Variants in CDH13 observed in about 807,000 individuals in gnomAD.
The protein encoded by CDH13 is cadherin-13.
In CDH13, 24 loss-of-function variants were observed where a neutral mutation model predicts 63.8. The ratio of observed to expected loss-of-function variants is 0.38; its 90% confidence interval spans 0.27 to 0.53. The LOEUF (loss-of-function observed/expected upper bound fraction) is 0.53. CDH13 is among the 20% of genes least tolerant of loss of function. CDH13 has a pLI of 0.85. For missense variants in CDH13, 1,049 were observed against 903.1 expected (o/e 1.16, Z -2.07); for synonymous variants, 503 against 355.3 (o/e 1.42, Z -4.67).
chr16:83,463,177 G>C (rs540988379), intron 6 of CDH13, among the ~76,000 whole-genome samples: 7 of 152,326 alleles, frequency 4.6e-5, no homozygotes, highest in African/African-American at 1.7e-4. Flanking sequence ...GGGCATTGAA[G>C]ATTCTATTGC....
At position 83,357,543 on chromosome 16, in the gene CDH13, A is replaced by G. The variant is rs546797158; in HGVS notation, c.781+12537A>G. 1.4e-4 allele frequency among the ~76,000 whole-genome samples: 22 copies of G among 152,264 alleles called. No homozygotes were observed. In the South Asian group the frequency reaches 4.6e-3, roughly 32 times the overall value. ...GCAGAGTCGTGTTTGCTGATTTCAG[A>G]CACCATGGAGCAGTGGTCCAAGTTT... On this transcript the variant is annotated intron_variant, in intron 6 of 13. Coordinates refer to ENST00000567109, the MANE Select transcript of CDH13 (RefSeq NM_001257.5).
chr16:83,308,057 A>C (rs186405837), intron 5 of CDH13, among the ~76,000 whole-genome samples: 1 of 152,184 alleles, frequency 6.6e-6, no homozygotes, highest in African/African-American at 2.4e-5. Context: ...CCAAATAACT[A>C]ATTGTAAAAG....
intron 2 of CDH13, among the ~76,000 whole-genome samples, chr16:82,986,368 A>G (rs971057910): frequency 6.6e-6 from 1 of 152,248 alleles, no homozygotes; most frequent in African/African-American, 2.4e-5. Context: ...TGCTCATCAA[A>G]TACCTACCAT....
At chr16:82,748,638 A>C (rs1243353396) in intron 1 of CDH13, among the ~76,000 whole-genome samples, 2 of 152,150 alleles carry the variant, frequency 1.3e-5, no homozygotes, top group Non-Finnish European at 2.9e-5. Flanking sequence ...AAACTCTGTT[A>C]ATAATTGTAC....
chr16:83,370,210 AC>A (rs2091338866), intron 6 of CDH13, among the ~76,000 whole-genome samples: 1 of 151,914 alleles, frequency 6.6e-6, no homozygotes, highest in Non-Finnish European at 1.5e-5. Context: ...ACATGGTGAA[AC>A]CCCATCTCTA....
At chr16:82,727,065 C>T (rs921592408) in intron 1 of CDH13, among the ~76,000 whole-genome samples, 3 of 152,142 alleles carry the variant, frequency 2.0e-5, no homozygotes, top group African/African-American at 7.2e-5. Context: ...CTATTAGAAA[C>T]TGTCATTTGG....
At position 82,627,127 on chromosome 16, in the gene CDH13, T is replaced by C; in HGVS notation, c.35T>C (p.Leu12Pro). The part of the protein sequence containing the change: ...QPRTPLVLCV[L>P]LSQVLLLTSA... ...AGAACTCCGCTCGTTCTGTGCGTTC[T>C]CCTGTCCCAGGTAGGGAAGAGGGGC... Residue 12 changes from leucine to proline, a missense_variant, in exon 1 of 14, where the codon CTC becomes CCC. Leu to Pro is a moderately conservative substitution (Grantham distance 98). Coordinates refer to ENST00000567109, the MANE Select transcript of CDH13 (RefSeq NM_001257.5). The C allele has an allele frequency of 6.2e-7, 1 of 1,607,292 alleles. No individual in the cohort carries two copies. Among genetic ancestry groups the C allele is most frequent in the Non-Finnish European group, 8.5e-7 (1 of 1,177,240 alleles).
At chr16:82,643,821 C>A (rs1044017070) in intron 1 of CDH13, among the ~76,000 whole-genome samples, 1 of 151,996 alleles carries the variant, frequency 6.6e-6, no homozygotes, top group Non-Finnish European at 1.5e-5. Flanking sequence ...TAGCTAACTG[C>A]AGCCTTGACC....
At chr16:83,651,136 C>G (rs1452001320) in intron 8 of CDH13, among the ~76,000 whole-genome samples, 1 of 151,974 alleles carries the variant, frequency 6.6e-6, no homozygotes, top group African/African-American at 2.4e-5. Context: ...GATCAGAACA[C>G]TTCTGGTTAT....
intron 4 of CDH13, among the ~76,000 whole-genome samples, chr16:83,172,974 C>T (rs2037986795): frequency 6.6e-6 from 1 of 152,114 alleles, no homozygotes; most frequent in African/African-American, 2.4e-5. Flanking sequence ...CCACCTTAGT[C>T]TACCGTTAAC....
At chr16:82,804,342 A>T (rs1224328759) in intron 1 of CDH13, among the ~76,000 whole-genome samples, 2 of 151,328 alleles carry the variant, frequency 1.3e-5, no homozygotes, top group African/African-American at 4.9e-5. Flanking sequence ...AAGAAATACA[A>T]TGAAGCTTTT....
At chr16:83,145,965 G>A (rs6565138) in intron 4 of CDH13, among the ~76,000 whole-genome samples, 43,128 of 151,920 alleles carry the variant, frequency 0.28, 6,898 homozygotes, top group African/African-American at 0.44. Context: ...AGGCCGAGGC[G>A]GGTGGATTAC....
intron 4 of CDH13, among the ~76,000 whole-genome samples, chr16:83,191,873 T>G (rs2038726349): frequency 6.6e-6 from 1 of 152,074 alleles, no homozygotes; most frequent in Non-Finnish European, 1.5e-5. Flanking sequence ...GACACAAATG[T>G]TCATCTCCTT....
rs145216027 is a variant in CDH13 at position 83,321,803 on chromosome 16, C to T, written c.637-23059C>T. Among the ~76,000 whole-genome samples, 9 of 152,332 alleles carry T rather than the reference C, an allele frequency of 5.9e-5. No individual in the cohort carries two copies. In the East Asian group the frequency reaches 1.7e-3, roughly 29 times the overall value. ...TCAGCCTCCCAAAGTGCTGGGATTA[C>T]AGGCGTGAGCTCTGCGCCGGGCCAG... On this transcript the variant is annotated intron_variant, in intron 5 of 13. Transcript: ENST00000567109.
chr16:83,059,922 T>C (rs899105364), intron 3 of CDH13, among the ~76,000 whole-genome samples: 2 of 151,128 alleles, frequency 1.3e-5, no homozygotes, highest in African/African-American at 4.9e-5. Context: ...GCCTCCCGAG[T>C]AGCTGGGACT....
chr16:83,037,184 T>G (rs1374528904), intron 3 of CDH13, among the ~76,000 whole-genome samples: 2 of 152,210 alleles, frequency 1.3e-5, no homozygotes, highest in African/African-American at 2.4e-5. Flanking sequence ...CATGGAGCTT[T>G]CTTACGGTCA....
intron 3 of CDH13, among the ~76,000 whole-genome samples, chr16:83,054,150 A>G (rs1465534362): frequency 6.6e-6 from 1 of 152,208 alleles, no homozygotes; most frequent in African/African-American, 2.4e-5. Flanking sequence ...CTAGGTTTAT[A>G]TAAGTGCACT....
At position 82,894,852 on chromosome 16, in the gene CDH13, G is replaced by A. The variant is rs183484579; in HGVS notation, c.157+36379G>A. On this transcript the variant is annotated intron_variant, in intron 2 of 13. Transcript: ENST00000567109. Reference sequence around the variant, plus strand: ...GTGTGAGTGTGCTCTAACCAGAGAGGAAGACTATGGCGAAGGCCTTGGTGA... The same window carrying A: ...GTGTGAGTGTGCTCTAACCAGAGAGAAAGACTATGGCGAAGGCCTTGGTGA... 2.1e-4 allele frequency among the ~76,000 whole-genome samples: 32 copies of A among 152,328 alleles called. No individual in the cohort carries two copies. The East Asian group carries it at 5.6e-3, about 27-fold the overall frequency.
intron 3 of CDH13, among the ~76,000 whole-genome samples, chr16:83,115,624 G>T (rs1332211476): frequency 6.6e-6 from 1 of 152,190 alleles, no homozygotes; most frequent in East Asian, 1.9e-4. Flanking sequence ...CCATAATTGG[G>T]CTGGGCTGAC....
Sources: gnomAD v4.1 joint callset for allele counts (sites outside exome capture counted in the v4.1 genomes callset) on GRCh38, gnomAD v4.1.1 for gene constraint, MANE v1.5 for transcripts, NCBI Gene and HGNC (gene_info 2026-07-23, HGNC 2026-07-21) for gene names.